GLI3: variants seen among roughly 807,000 people sequenced by gnomAD.
GLI3 encodes transcription activator GLI3.
In GLI3, 20 loss-of-function variants were observed where a neutral mutation model predicts 100.8. The observed-to-expected ratio is 0.20, with a 90% CI of 0.14 to 0.29. GLI3 has a LOEUF of 0.29. GLI3 is among the 10% of genes least tolerant of loss of function. The pLI is 1.00. For synonymous variants in GLI3, 938 were observed against 860.5 expected, an observed-to-expected ratio of 1.09 and a Z score of -1.58; for missense variants, 2,040 against 2,128.5, an observed-to-expected ratio of 0.96 and a Z score of 0.82.
intron 3 of GLI3, among the ~76,000 whole-genome samples, chr7:42,117,057 C>T (rs927836269): frequency 2.0e-5 from 3 of 152,222 alleles, no homozygotes; most frequent in Non-Finnish European, 4.4e-5. Context: ...TGTAGGTAAA[C>T]GCTCAACCTA....
chr7:42,045,826 C>T (rs1232650927), intron 5 of GLI3, among the ~76,000 whole-genome samples: 1 of 152,208 alleles, frequency 6.6e-6, no homozygotes, highest in Non-Finnish European at 1.5e-5. Flanking sequence ...TACATAACCA[C>T]ATTTGCCCCC....
At chr7:42,216,483 A>T (rs1467983043) in intron 2 of GLI3, among the ~76,000 whole-genome samples, 1 of 152,174 alleles carries the variant, frequency 6.6e-6, no homozygotes, top group African/African-American at 2.4e-5. Context: ...CATGTGAATG[A>T]TGGAAAGTTA....
intron 2 of GLI3, among the ~76,000 whole-genome samples, chr7:42,187,025 T>A (rs933270445): frequency 2.0e-5 from 3 of 147,880 alleles, no homozygotes; most frequent in African/African-American, 7.7e-5. Context: ...AACTGAGCTA[T>A]ATAGTGAGAA....
At chr7:42,117,733 T>C (rs1785895623) in intron 3 of GLI3, among the ~76,000 whole-genome samples, 1 of 152,166 alleles carries the variant, frequency 6.6e-6, no homozygotes, top group South Asian at 2.1e-4. Flanking sequence ...GCAAAGTGTA[T>C]GATCTCAGAG....
chr7:41,986,010 A>G (rs1356840243), intron 10 of GLI3, among the ~76,000 whole-genome samples: 2 of 152,224 alleles, frequency 1.3e-5, no homozygotes, highest in Non-Finnish European at 2.9e-5. Flanking sequence ...GCCTGTTTCA[A>G]TTCAAACTGG....
chr7:42,257,469 C>G (rs866429325), intron 1 of GLI3, among the ~76,000 whole-genome samples: 1 of 151,736 alleles, frequency 6.6e-6, no homozygotes, highest in African/African-American at 2.4e-5. Flanking sequence ...CTCAGCCTCC[C>G]GAGTAGCTGG....
At chr7:42,162,803 C>G (rs1007375529) in intron 2 of GLI3, among the ~76,000 whole-genome samples, 1 of 152,090 alleles carries the variant, frequency 6.6e-6, no homozygotes, top group African/African-American at 2.4e-5. Flanking sequence ...GCAACTTCAA[C>G]CCCTGCTTTG....
rs1763314444 is a variant in GLI3, at chr7:41,964,824, T to G, written c.4249A>C (p.Arg1417=). The G allele has an allele frequency of 1.2e-6, 2 of 1,613,882 alleles. No individual in the cohort carries two copies. The highest frequency in any genetic ancestry group is 1.7e-6 in the Non-Finnish European group (2 of 1,180,038). The change falls in exon 15 of 15, where the codon AGG becomes CGG. Residue 1417 remains arginine (R), a synonymous_variant. Coordinates refer to ENST00000395925, the MANE Select transcript of GLI3 (RefSeq NM_000168.6). ...ATCTCCATCTTGATACCATTCACCC[T>G]GCAGGTCTGACTTGTGTCACTGAGC... ...GQLSDTSQTC[R]VNGIKMEMKG...
At chr7:42,173,746 G>C (rs561180297) in intron 2 of GLI3, among the ~76,000 whole-genome samples, 5 of 152,302 alleles carry the variant, frequency 3.3e-5, no homozygotes, top group African/African-American at 1.2e-4. Flanking sequence ...CTCTCAGGAA[G>C]GGTCCATGTT....
chr7:42,140,420 TAAG>T (rs1395313356), intron 3 of GLI3, among the ~76,000 whole-genome samples: 1 of 152,218 alleles, frequency 6.6e-6, no homozygotes, highest in Admixed American at 6.5e-5. Context: ...TATTTTGATC[TAAG>T]AAGAAGAAAC....
At chr7:42,054,645 A>G (rs1390601536) in intron 4 of GLI3, among the ~76,000 whole-genome samples, 1 of 152,126 alleles carries the variant, frequency 6.6e-6, no homozygotes, top group Non-Finnish European at 1.5e-5. Flanking sequence ...CAATTAATTA[A>G]TTATTCAATA....
intron 2 of GLI3, among the ~76,000 whole-genome samples, chr7:42,197,693 C>T (rs542428890): frequency 2.0e-5 from 3 of 152,304 alleles, no homozygotes; most frequent in South Asian, 2.1e-4. Context: ...AGGTACAGTT[C>T]GCTACTCACA....
intron 3 of GLI3, among the ~76,000 whole-genome samples, chr7:42,079,773 G>A (rs1230720601): frequency 6.6e-6 from 1 of 152,112 alleles, no homozygotes; most frequent in African/African-American, 2.4e-5. Context: ...CTCTCCACCA[G>A]GTAAGTGGGT....
intron 3 of GLI3, among the ~76,000 whole-genome samples, chr7:42,079,744 T>C (rs1362355897): frequency 6.6e-6 from 1 of 152,234 alleles, no homozygotes; most frequent in East Asian, 1.9e-4. Flanking sequence ...CTTTTGGCTG[T>C]GTTCTGCATG....
intron 10 of GLI3, among the ~76,000 whole-genome samples, chr7:41,982,450 G>A (rs1787697382): frequency 6.6e-6 from 1 of 152,120 alleles, no homozygotes; most frequent in Non-Finnish European, 1.5e-5. Flanking sequence ...AGGCATGGTG[G>A]CTCACACCTG....
At chr7:42,227,997 C>G (rs1386226346) in intron 1 of GLI3, among the ~76,000 whole-genome samples, 2 of 152,164 alleles carry the variant, frequency 1.3e-5, no homozygotes, top group Non-Finnish European at 2.9e-5. Context: ...TTCTGGTTTC[C>G]TCCGACGGTG....
chr7:42,104,421 C>T (rs185809413), intron 3 of GLI3, among the ~76,000 whole-genome samples: 7 of 152,156 alleles, frequency 4.6e-5, no homozygotes, highest in Admixed American at 1.3e-4. Flanking sequence ...ACAGGCAGGG[C>T]GGGAAAAATG....
At chr7:42,261,283 G>A (rs62443844) in intron 1 of GLI3, among the ~76,000 whole-genome samples, 3,983 of 151,908 alleles carry the variant, frequency 0.026, 68 homozygotes, top group South Asian at 0.041. Flanking sequence ...TAAATGATCA[G>A]ATCTCATGAG....
chr7:42,016,768 T>C (rs1425665144), intron 10 of GLI3, among the ~76,000 whole-genome samples: 3 of 152,218 alleles, frequency 2.0e-5, no homozygotes, highest in African/African-American at 7.2e-5. Context: ...TTTACCTGCA[T>C]GATTTACTTT....
Sources: allele counts gnomAD v4.1 joint callset (sites outside exome capture counted in the v4.1 genomes callset), GRCh38; gene constraint gnomAD v4.1.1; transcripts MANE v1.5; gene names NCBI Gene and HGNC (gene_info 2026-07-23, HGNC 2026-07-21).